Variants in SDHAF3 observed in about 807,000 individuals in gnomAD.
The protein encoded by SDHAF3 is succinate dehydrogenase assembly factor 3, mitochondrial.
A neutral mutation model predicts 11.5 loss-of-function variants in SDHAF3; 18 were observed. The ratio of observed to expected loss-of-function variants is 1.56; its 90% CI spans 1.08 to 2.32. The LOEUF (loss-of-function observed/expected upper bound fraction) is 2.32, where lower values mean the gene tolerates loss of function less well. Among genes scored for constraint, SDHAF3 ranks in the 30% most tolerant of loss-of-function variants. SDHAF3 has a pLI of 0.00. For synonymous variants in SDHAF3, 72 were observed against 59.3 expected (o/e 1.21, Z -0.99); for missense variants, 200 against 154.4 (o/e 1.30, Z -1.57).
intron 1 of SDHAF3, among the ~76,000 whole-genome samples, chr7:97,155,876 G>T (rs1041228789): frequency 7.5e-4 from 11 of 14,648 alleles, no homozygotes; most frequent in African/African-American, 2.0e-3. Context: ...ACCTAGTGGG[G>T]AGTGTTCATT....
chr7:97,168,716 G>C (rs1789555129), intron 1 of SDHAF3, among the ~76,000 whole-genome samples: 1 of 152,156 alleles, frequency 6.6e-6, no homozygotes, highest in African/African-American at 2.4e-5. Context: ...TCCAAGGTGA[G>C]AGGTTTCATA....
chr7:97,177,276 G>C (rs1789692251), intron 1 of SDHAF3, among the ~76,000 whole-genome samples: 1 of 152,068 alleles, frequency 6.6e-6, no homozygotes, highest in Admixed American at 6.6e-5. Flanking sequence ...GCTGAGGCGG[G>C]TGGATCATGA....
chr7:97,171,955 A>G (rs1254803006), intron 1 of SDHAF3, among the ~76,000 whole-genome samples: 1 of 152,150 alleles, frequency 6.6e-6, no homozygotes, highest in African/African-American at 2.4e-5. Flanking sequence ...GTTAAGGACA[A>G]ATGAAATACT....
chr7:97,154,384 T>A (rs1332602992), intron 1 of SDHAF3, among the ~76,000 whole-genome samples: 1 of 152,256 alleles, frequency 6.6e-6, no homozygotes, highest in Non-Finnish European at 1.5e-5. Flanking sequence ...CTGACACTAA[T>A]GACTAGTGAT....
intron 1 of SDHAF3, chr7:97,142,542 TG>T (rs2115670395): frequency 6.6e-6 from 1 of 152,322 alleles, no homozygotes; most frequent in South Asian, 2.1e-4. Flanking sequence ...TTTTTAATTT[TG>T]TTTTTTTGCT....
At chr7:97,141,155 T>A (rs376737101) in intron 1 of SDHAF3, among the ~76,000 whole-genome samples, 8 of 148,742 alleles carry the variant, frequency 5.4e-5, no homozygotes, top group African/African-American at 2.0e-4. Flanking sequence ...CTAATAAATT[T>A]TGGTCAGACC....
intron 1 of SDHAF3, among the ~76,000 whole-genome samples, chr7:97,157,605 T>C (rs1562827737): frequency 6.6e-6 from 1 of 152,122 alleles, no homozygotes; most frequent in Admixed American, 6.6e-5. Flanking sequence ...GACCCAGCAG[T>C]CCCATTACTG....
At chr7:97,143,252 C>T (rs751822872) in intron 1 of SDHAF3, among the ~76,000 whole-genome samples, 2 of 152,034 alleles carry the variant, frequency 1.3e-5, no homozygotes, top group African/African-American at 2.4e-5. Context: ...TTAATCTTTT[C>T]AAATATTAGA....
At chr7:97,176,952 CCTTT>C (rs2115752041) in intron 1 of SDHAF3, among the ~76,000 whole-genome samples, 1 of 152,048 alleles carries the variant, frequency 6.6e-6, no homozygotes, top group South Asian at 2.1e-4. Flanking sequence ...ATTCCATTCC[CCTTT>C]CTTACTCCTC....
chr7:97,148,373 A>G (rs1789168479), intron 1 of SDHAF3, among the ~76,000 whole-genome samples: 1 of 152,132 alleles, frequency 6.6e-6, no homozygotes, highest in South Asian at 2.1e-4. Flanking sequence ...TGTCTCTACA[A>G]CAATGTTTTA....
intron 1 of SDHAF3, among the ~76,000 whole-genome samples, chr7:97,122,959 G>C (rs146169379): frequency 4.0e-5 from 6 of 151,426 alleles, no homozygotes; most frequent in Admixed American, 6.6e-5. Context: ...CCTAGCTACT[G>C]CTGCAATGGA....
chr7:97,123,876 C>G (rs1315706369), intron 1 of SDHAF3, among the ~76,000 whole-genome samples: 1 of 136,736 alleles, frequency 7.3e-6, no homozygotes, highest in African/African-American at 2.7e-5. Flanking sequence ...TGTTTAAGTT[C>G]CTTGTAGATT....
Position 97,181,143 on chromosome 7 carries a change from G to A in SDHAF3, c.306G>A (p.Gln102=). 1 of 1,613,978 alleles carries A rather than the reference G, an allele frequency of 6.2e-7. No homozygotes were observed. The highest frequency in any genetic ancestry group is 8.5e-7 in the Non-Finnish European group (1 of 1,179,932). The change falls in exon 2 of 2, where the codon CAG becomes CAA. Residue 102 remains glutamine, a synonymous_variant. Transcript: ENST00000432641. ...DFRDEQIGQL[Q]ELMQEATKPN... is the part of the protein sequence containing the mutation. Reference sequence around the variant, plus strand: ...GTGATGAACAAATTGGACAGTTGCAGGAGCTGATGCAAGAAGCCACAAAAC... The same window carrying A: ...GTGATGAACAAATTGGACAGTTGCAAGAGCTGATGCAAGAAGCCACAAAAC...
At position 97,144,313 on chromosome 7, in the gene SDHAF3, T is replaced by A. The variant is rs1789103952; in HGVS notation, c.174+26416T>A. 2.6e-5 allele frequency among the ~76,000 whole-genome samples: 4 copies of A among 152,216 alleles called. No homozygotes were observed. In the South Asian group the frequency reaches 8.3e-4, roughly 31 times the overall value. The stretch of plus-strand genomic sequence containing the variant: ...TCTGTTTGCTGACTGTCCTTTTCTC[T>A]TCAGTTTAATTAGGTCCCAGCTATT... On this transcript the variant is annotated intron_variant, in intron 1 of 1. Transcript: ENST00000432641.
chr7:97,138,635 T>G (rs191817027), intron 1 of SDHAF3, among the ~76,000 whole-genome samples: 28 of 152,360 alleles, frequency 1.8e-4, no homozygotes, highest in Non-Finnish European at 3.5e-4. Context: ...TTAACCATTC[T>G]AAGCCTTGGT....
chr7:97,138,206 C>T (rs1392563259), intron 1 of SDHAF3, among the ~76,000 whole-genome samples: 1 of 149,258 alleles, frequency 6.7e-6, no homozygotes, highest in Non-Finnish European at 1.5e-5. Flanking sequence ...GTTTCCCAGG[C>T]TGGAGTGCAG....
At chr7:97,126,941 C>T (rs1214582400) in intron 1 of SDHAF3, among the ~76,000 whole-genome samples, 1 of 151,830 alleles carries the variant, frequency 6.6e-6, no homozygotes, top group Non-Finnish European at 1.5e-5. Context: ...GGTGTAGACA[C>T]ACGAGGGAAT....
intron 1 of SDHAF3, among the ~76,000 whole-genome samples, chr7:97,127,720 A>G (rs1445789930): frequency 6.6e-6 from 1 of 152,136 alleles, no homozygotes; most frequent in East Asian, 1.9e-4. Context: ...GAGAAAAGGA[A>G]TGAATTGCTT....
intron 1 of SDHAF3, among the ~76,000 whole-genome samples, chr7:97,119,665 C>G (rs949711309): frequency 2.0e-5 from 3 of 152,126 alleles, no homozygotes; most frequent in Non-Finnish European, 4.4e-5. Flanking sequence ...TTATTCTGTT[C>G]CAGGATCCAA....
Sources: gnomAD v4.1 joint callset for allele counts (sites outside exome capture counted in the v4.1 genomes callset) on GRCh38, gnomAD v4.1.1 for gene constraint, MANE v1.5 for transcripts, NCBI Gene and HGNC (gene_info 2026-07-23, HGNC 2026-07-21) for gene names.